Variants in SCO2 observed in about 807,000 individuals in gnomAD.
The protein encoded by SCO2 is synthesis of cytochrome C oxidase 2, also known as cytochrome c oxidase assembly factor SCO2.
For missense variants in SCO2, 429 were observed against 348.7 expected (o/e 1.23, Z -1.83); for synonymous variants, 195 against 148.6 (o/e 1.31, Z -2.27).
rs2069308689 is a variant in SCO2 at position 50,525,520 on chromosome 22, GA to G, written c.-63del. The G allele has an allele frequency of 1.2e-4, 67 of 570,550 alleles. 1 individual carries two copies. The South Asian group carries it at 1.3e-3, about 11-fold the overall frequency. The allele number at this position is 570,550 out of a possible 1,614,324, so 35.3% of individuals were successfully genotyped here. On this transcript the variant is annotated 5_prime_UTR_variant, in exon 1 of 2. Transcript: ENST00000395693. Reference sequence around the variant, plus strand: ...TGGACCAAGCACGAGAGGAAGCGCCGACCTCCAGCTCCCTGCGCTCTGCCCC... The same window carrying G: ...TGGACCAAGCACGAGAGGAAGCGCCGCCTCCAGCTCCCTGCGCTCTGCCCC...
intron 1 of SCO2, chr22:50,524,715 C>G: frequency 3.2e-6 from 2 of 618,778 alleles, no homozygotes; most frequent in Non-Finnish European, 6.2e-6. Flanking sequence ...GGAAAGCATT[C>G]CAAGTGCATG....
In SCO2 at chr22:50,524,234, G is replaced by T. The variant is rs753779965; in HGVS notation, c.178C>A (p.Arg60=). 5 of 1,607,118 alleles carry T rather than the reference G, an allele frequency of 3.1e-6. No individual in the cohort carries two copies. The highest frequency in any genetic ancestry group is 2.2e-5 in the East Asian group (1 of 44,864). ...GQPQGPGLRT[R]LLITGLFGAG... The stretch of plus-strand genomic sequence containing the variant: ...CCGAACAGGCCTGTGATCAGCAGCC[G>T]GGTTCGAAGCCCAGGGCCCTGGGGC... The change falls in exon 2 of 2, where the codon CGG becomes AGG. Residue 60 remains arginine (R), a synonymous_variant. Coordinates refer to ENST00000395693, the MANE Select transcript of SCO2 (RefSeq NM_005138.3).
intron 1 of SCO2, chr22:50,524,891 G>A (rs1436374820): frequency 8.9e-6 from 3 of 337,126 alleles, no homozygotes; most frequent in East Asian, 1.7e-4. Flanking sequence ...ACTCCCAGCA[G>A]AAAACCTGCA....
upstream of SCO2, chr22:50,525,750 G>C (rs113234862): frequency 6.2e-7 from 1 of 1,608,808 alleles, no homozygotes; most frequent in South Asian, 1.1e-5. Flanking sequence ...GCACTGACAA[G>C]GTTTCGCGGC....
chr22:50,525,023 C>T (rs947108975), intron 1 of SCO2, among the ~76,000 whole-genome samples: 3 of 152,236 alleles, frequency 2.0e-5, no homozygotes, highest in African/African-American at 4.8e-5. Flanking sequence ...TTCCCAGCAG[C>T]TCCTCCGGGC....
chr22:50,523,626 G>T lies in SCO2; in HGVS notation c.786C>A (p.Arg262=), dbSNP rs2069185255. ...CTGCAGTGGCTCAAGACAGGACACT[G>T]CGGAAAGCCGCCATGTGCCGCCGCA... is the stretch of plus-strand genomic sequence containing the variant. ...DSVRRHMAAF[R]SVLS is the part of the protein sequence containing the mutation. The change falls in exon 2 of 2, where the codon CGC becomes CGA. Residue 262 remains arginine (R), a synonymous_variant. Coordinates refer to ENST00000395693, the MANE Select transcript of SCO2 (RefSeq NM_005138.3). 3 of 1,613,564 alleles carry T rather than the reference G, an allele frequency of 1.9e-6. No individual in the cohort carries two copies. The highest frequency in any genetic ancestry group is 2.5e-6 in the Non-Finnish European group (3 of 1,180,024).
intron 1 of SCO2, chr22:50,524,718 A>T: frequency 1.6e-6 from 1 of 610,316 alleles, no homozygotes. Flanking sequence ...AAGCATTCCA[A>T]GTGCATGCCT....
At position 50,525,522 on chromosome 22, in the gene SCO2, C is replaced by G. The variant is rs922127722; in HGVS notation, c.-64G>C. 2 of 576,576 alleles carry G rather than the reference C, an allele frequency of 3.5e-6. No homozygotes were observed. Among genetic ancestry groups the G allele is most frequent in the African/African-American group, 4.0e-5 (2 of 49,660 alleles). 35.7% of individuals were successfully genotyped at this position (576,576 alleles called of 1,614,324 possible). On this transcript the variant is annotated 5_prime_UTR_variant, in exon 1 of 2. Transcript: ENST00000395693. ...GACCAAGCACGAGAGGAAGCGCCGA[C>G]CTCCAGCTCCCTGCGCTCTGCCCCG...
upstream of SCO2, chr22:50,525,708 C>G (rs1422987254): frequency 3.2e-6 from 5 of 1,574,600 alleles, no homozygotes; most frequent in Non-Finnish European, 4.3e-6. Flanking sequence ...GCCCCCGCCT[C>G]CGCAGCCCTG....
At chr22:50,524,920 CA>C (rs1198672943) in intron 1 of SCO2, 1 of 344,436 alleles carries the variant, frequency 2.9e-6, no homozygotes, top group African/African-American at 2.2e-5. Context: ...CCCCGGAGCT[CA>C]GACTCTGCCC....
Position 50,524,103 on chromosome 22 carries a change from G to A in SCO2, c.309C>T (p.Asp103=). The A allele has an allele frequency of 6.2e-7, 1 of 1,613,000 alleles. No homozygotes were observed. The highest frequency in any genetic ancestry group is 8.5e-7 in the Non-Finnish European group (1 of 1,180,024). Residue 103 remains aspartate (D), a synonymous_variant, in exon 2 of 2, where the codon GAC becomes GAT. Coordinates refer to ENST00000395693, the MANE Select transcript of SCO2 (RefSeq NM_005138.3). ...GGCCTCTGTGATCCAGCAGGTGGAAGTCGCCCTGGCCCACAGCTGCCTGGC... is the reference window on the plus strand; with the variant it reads ...GGCCTCTGTGATCCAGCAGGTGGAAATCGCCCTGGCCCACAGCTGCCTGGC... ...ALRQAAVGQG[D]FHLLDHRGRA...
At chr22:50,525,637 C>T, upstream of SCO2, 1 of 1,358,452 alleles carries the variant, frequency 7.4e-7, no homozygotes, top group South Asian at 1.3e-5. Flanking sequence ...CAGCCGCTGA[C>T]AGGCTCTCAG....
intron 1 of SCO2, chr22:50,524,674 T>A: frequency 2.9e-6 from 2 of 678,642 alleles, no homozygotes; most frequent in Admixed American, 2.1e-5. Context: ...GCCCTGCACC[T>A]GCACCTCAGC....
At chr22:50,525,869 C>G, upstream of SCO2, 2 of 1,594,372 alleles carry the variant, frequency 1.3e-6, no homozygotes, top group African/African-American at 1.3e-5. Context: ...CGCGGCTCTG[C>G]GGGCCGCTGA....
upstream of SCO2, chr22:50,525,818 G>T: frequency 6.2e-7 from 1 of 1,610,338 alleles, no homozygotes; most frequent in Non-Finnish European, 8.5e-7. Context: ...AGGGGGCGGC[G>T]AATGGCGCGC....
chr22:50,523,612 C>T lies in SCO2; in HGVS notation c.800G>A (p.Ter267=), dbSNP rs985148465. The change falls in exon 2 of 2, where the codon TGA becomes TAA. Residue 267 remains the stop codon, a stop_retained_variant. Transcript: ENST00000395693. ...TGATGGGGCCCAGACTGCAGTGGCTCAAGACAGGACACTGCGGAAAGCCGC... is the reference window on the plus strand; with the variant it reads ...TGATGGGGCCCAGACTGCAGTGGCTTAAGACAGGACACTGCGGAAAGCCGC... The part of the protein sequence containing the change: ...HMAAFRSVLS[*] 1.9e-6 allele frequency: 3 copies of T among 1,613,234 alleles called. No homozygotes were observed. Among genetic ancestry groups the T allele is most frequent in the East Asian group, 2.2e-5 (1 of 44,880 alleles).
At chr22:50,526,203 G>T (rs2069363569), upstream of SCO2, 1 of 1,489,828 alleles carries the variant, frequency 6.7e-7, no homozygotes, top group Non-Finnish European at 8.9e-7. Flanking sequence ...GGAAGGGAAG[G>T]GGATGGCGGA....
chr22:50,525,999 A>G (rs1064792879), upstream of SCO2: 1 of 1,423,048 alleles, frequency 7.0e-7, no homozygotes, highest in South Asian at 1.4e-5. Flanking sequence ...GGCGGCGCTC[A>G]CCACGGCGCA....
At chr22:50,526,301 G>T (rs781780455), upstream of SCO2, 9 of 1,557,130 alleles carry the variant, frequency 5.8e-6, no homozygotes, top group South Asian at 9.3e-5. Context: ...GCAGCTGCCG[G>T]CGTTCTGCGG....
Sources: gnomAD v4.1 joint callset for allele counts (sites outside exome capture counted in the v4.1 genomes callset) on GRCh38, gnomAD v4.1.1 for gene constraint, MANE v1.5 for transcripts, NCBI Gene and HGNC (gene_info 2026-07-23, HGNC 2026-07-21) for gene names.